Variants in NREP observed in about 807,000 individuals in gnomAD.
NREP encodes neuronal regeneration-related protein.
In NREP, 5 loss-of-function variants were observed where a neutral mutation model predicts 8.6. The observed-to-expected ratio is 0.58, with a 90% CI of 0.30 to 1.22. The LOEUF (loss-of-function observed/expected upper bound fraction) is 1.22. Among genes scored for constraint, NREP ranks in the 50% most tolerant of loss-of-function variants. The pLI is 0.07. For missense variants in NREP, 86 were observed against 82.5 expected (o/e 1.04, Z -0.17); for synonymous variants, 27 against 28.0 (o/e 0.96, Z 0.11).
At chr5:111,768,724 T>C (rs867538367) in intron 2 of NREP, among the ~76,000 whole-genome samples, 2 of 152,218 alleles carry the variant, frequency 1.3e-5, no homozygotes, top group South Asian at 2.1e-4. Flanking sequence ...TAGTATTCTG[T>C]GGTTTATATG....
intron 2 of NREP, among the ~76,000 whole-genome samples, chr5:111,796,698 T>A (rs1481267417): frequency 2.0e-5 from 3 of 152,204 alleles, no homozygotes; most frequent in East Asian, 1.9e-4. Context: ...TGCTAATAGA[T>A]AACTCATTTG....
At chr5:111,873,260 GAGA>G (rs1349832574) in intron 2 of NREP, among the ~76,000 whole-genome samples, 2 of 152,178 alleles carry the variant, frequency 1.3e-5, no homozygotes, top group Admixed American at 6.5e-5. Context: ...AAAGGACACA[GAGA>G]AGAAGAACGG....
intron 2 of NREP, among the ~76,000 whole-genome samples, chr5:111,940,608 G>A (rs73787741): frequency 0.013 from 2,000 of 152,158 alleles, 20 homozygotes; most frequent in South Asian, 0.036. Context: ...CTGTCCTAGT[G>A]GAGGGGAGTC....
At chr5:111,972,466 G>A (rs889182816) in intron 2 of NREP, among the ~76,000 whole-genome samples, 3 of 152,176 alleles carry the variant, frequency 2.0e-5, no homozygotes, top group Non-Finnish European at 4.4e-5. Flanking sequence ...ATGGCTCACT[G>A]ATCTGCTTTA....
chr5:111,919,161 C>G (rs564757116), intron 2 of NREP, among the ~76,000 whole-genome samples: 2 of 152,230 alleles, frequency 1.3e-5, no homozygotes, highest in African/African-American at 4.8e-5. Context: ...AAATGCAAAT[C>G]AAAACCACAG....
intron 2 of NREP, among the ~76,000 whole-genome samples, chr5:111,885,344 G>A (rs1282952960): frequency 2.0e-5 from 3 of 151,836 alleles, no homozygotes; most frequent in African/African-American, 7.3e-5. Flanking sequence ...ACAAATGGAA[G>A]AACATTCCAT....
chr5:111,862,384 G>A (rs1753562551), intron 2 of NREP, among the ~76,000 whole-genome samples: 1 of 152,092 alleles, frequency 6.6e-6, no homozygotes. Context: ...CTTTATTCCA[G>A]AAAAGGAAGC....
intron 2 of NREP, among the ~76,000 whole-genome samples, chr5:111,818,769 G>A (rs1011854761): frequency 2.6e-5 from 4 of 152,176 alleles, no homozygotes; most frequent in Admixed American, 1.3e-4. Context: ...AAAACAATCT[G>A]ATTGTAGTGG....
intron 2 of NREP, among the ~76,000 whole-genome samples, chr5:111,800,375 CT>C (rs1751976370): frequency 6.6e-6 from 1 of 152,240 alleles, no homozygotes; most frequent in Non-Finnish European, 1.5e-5. Context: ...GTTAGAATCA[CT>C]GACAGGGCCA....
At chr5:111,784,108 G>T (rs1204827365) in intron 2 of NREP, among the ~76,000 whole-genome samples, 1 of 152,154 alleles carries the variant, frequency 6.6e-6, no homozygotes, top group Non-Finnish European at 1.5e-5. Context: ...CAAATAATCT[G>T]GGAATTCAAG....
chr5:111,960,662 C>G (rs1200588761), intron 2 of NREP, among the ~76,000 whole-genome samples: 67 of 152,174 alleles, frequency 4.4e-4, no homozygotes, highest in Non-Finnish European at 7.3e-5. Context: ...AATTGGCTCA[C>G]TGGAGCAGTT....
chr5:111,737,094 C>A lies in NREP; in HGVS notation c.4-1587G>T, dbSNP rs148104012. Among the ~76,000 whole-genome samples, 93 of 152,284 alleles carry A rather than the reference C, an allele frequency of 6.1e-4. 1 individual carries two copies. The East Asian group carries it at 0.016, about 26-fold the overall frequency. ...TTTCTGAGCCATGTGGTTCCCCTCACCCCAACCACCTTACTTTTCCACATA... is the reference window on the plus strand; with the variant it reads ...TTTCTGAGCCATGTGGTTCCCCTCAACCCAACCACCTTACTTTTCCACATA... On this transcript the variant is annotated intron_variant, in intron 2 of 3. Transcript: ENST00000257435.
intron 2 of NREP, among the ~76,000 whole-genome samples, chr5:111,749,826 A>G (rs927314932): frequency 1.3e-5 from 2 of 152,126 alleles, no homozygotes; most frequent in Non-Finnish European, 2.9e-5. Flanking sequence ...AAGGATAAGC[A>G]TGCTCCCTTT....
chr5:111,737,756 A>T (rs1460197648), intron 2 of NREP, among the ~76,000 whole-genome samples: 1 of 151,874 alleles, frequency 6.6e-6, no homozygotes, highest in African/African-American at 2.4e-5. Flanking sequence ...AAAAAAGCCA[A>T]TGACTTTTGC....
intron 2 of NREP, among the ~76,000 whole-genome samples, chr5:111,886,062 C>T (rs373985718): frequency 1.2e-3 from 178 of 152,256 alleles, no homozygotes; most frequent in South Asian, 9.1e-3. Flanking sequence ...AAAATTTTCG[C>T]AACCTACTCA....
At chr5:111,743,304 A>C (rs1749799505) in intron 2 of NREP, among the ~76,000 whole-genome samples, 8 of 152,088 alleles carry the variant, frequency 5.3e-5, no homozygotes. Context: ...TGCAGCAAAA[A>C]GGCCCCTCAG....
At chr5:111,868,611 C>T (rs6594552) in intron 2 of NREP, among the ~76,000 whole-genome samples, 96,768 of 152,088 alleles carry the variant, frequency 0.64, 31,338 homozygotes, top group Non-Finnish European at 0.7. Context: ...TGAGAGACAA[C>T]TGCTGTTTTT....
intron 2 of NREP, among the ~76,000 whole-genome samples, chr5:111,962,110 T>C (rs1357762190): frequency 2.6e-5 from 4 of 152,184 alleles, no homozygotes; most frequent in Non-Finnish European, 1.5e-5. Flanking sequence ...CCTAAATAGT[T>C]CAGTGCTGTA....
rs765924557 is a variant in NREP, at chr5:111,832,363, A to AAAC, written c.136-96859_136-96857dup. ...CGAAACCCCACCTTTACAGAAAAAC[A>AAAC]AACAACAACAACAACAAAACATTAG... On this transcript the variant is annotated intron_variant, in intron 2 of 3. Coordinates refer to the NREP transcript ENST00000395634. Among the ~76,000 whole-genome samples the AAAC allele has an allele frequency of 2.6e-5, 4 of 152,024 alleles. No individual in the cohort carries two copies. In the East Asian group the frequency reaches 5.8e-4, roughly 22 times the overall value.
Sources: allele counts gnomAD v4.1 joint callset (sites outside exome capture counted in the v4.1 genomes callset), GRCh38; gene constraint gnomAD v4.1.1; transcripts MANE v1.5; gene names NCBI Gene and HGNC (gene_info 2026-07-23, HGNC 2026-07-21).